Variants in TDRD15 observed in about 807,000 individuals in gnomAD.
The protein encoded by TDRD15 is tudor domain-containing protein 15.
For synonymous variants in TDRD15, 503 were observed against 314.5 expected (o/e 1.60, Z -6.34); for missense variants, 1,416 against 904.7 (o/e 1.57, Z -7.25).
At position 21,138,780 on chromosome 2, in the gene TDRD15, G is replaced by A. The variant is rs1665863266; in HGVS notation, c.1313G>A (p.Ser438Asn). 5 of 715,200 alleles carry A rather than the reference G, an allele frequency of 7.0e-6. No individual in the cohort carries two copies. The highest frequency in any genetic ancestry group is 1.0e-5 in the Non-Finnish European group (4 of 383,954). 44.3% of individuals were successfully genotyped at this position (715,200 alleles called of 1,614,324 possible). ...ATCTCCAATATCTTGAGTGAGACAA[G>A]TGTGTCTGATGTAAACAGCTTTGCA... The part of the protein sequence containing the change: ...SKISNILSET[S>N]VSDVNSFAVE... The change falls in exon 4 of 4, where the codon AGT (serine) becomes AAT (asparagine). Residue 438 changes from serine to asparagine, a missense_variant. Physicochemically the swap from Ser to Asn is conservative, Grantham distance 46 (BLOSUM62 1). Transcript: ENST00000405799.
downstream of TDRD15, among the ~76,000 whole-genome samples, chr2:21,146,396 A>G (rs990995785): frequency 2.4e-4 from 36 of 152,220 alleles, no homozygotes; most frequent in African/African-American, 8.7e-4. Flanking sequence ...CTATTTTAAC[A>G]TCAGTGTTTA....
Position 21,142,454 on chromosome 2 carries a change from A to C in TDRD15, c.4987A>C (p.Asn1663His), listed in dbSNP as rs1441898923. The C allele has an allele frequency of 2.8e-6, 2 of 707,510 alleles. No homozygotes were observed. The highest frequency in any genetic ancestry group is 3.1e-5 in the South Asian group (2 of 65,310). 43.8% of individuals were successfully genotyped at this position (707,510 alleles called of 1,614,324 possible). A position where few individuals can be genotyped will look rare whatever the true frequency, so the allele number is the denominator to read the frequency against. ...GTGCTTATTTGCTGATTTGGAAATA[A>C]ATATTCTTTTCCTGAAATATTTAGA... is the stretch of plus-strand genomic sequence containing the variant. ...FECLFADLEI[N>H]ILFLKYLDAV... The change falls in exon 4 of 4, where the codon AAT becomes CAT. Residue 1663 changes from asparagine to histidine, a missense_variant. Physicochemically the swap from Asn to His is moderately conservative, Grantham distance 68. Transcript: ENST00000405799.
At chr2:21,125,989 T>G (rs923402231) in intron 1 of TDRD15, among the ~76,000 whole-genome samples, 2 of 151,926 alleles carry the variant, frequency 1.3e-5, no homozygotes, top group African/African-American at 2.4e-5. Context: ...TAATGAACAT[T>G]CAGGTTGTGC....
Position 21,139,541 on chromosome 2 carries a change from A to G in TDRD15, c.2074A>G (p.Ile692Val), listed in dbSNP as rs899138108. ...TTCAGAATCTAAAAACAAAGTTAAT[A>G]TTAAAAAAGTCATATCTGCCCTTCT... The part of the protein sequence containing the change: ...LNSESKNKVN[I>V]KKVISALLEG... The change falls in exon 4 of 4, where the codon ATT (isoleucine) becomes GTT (valine). Residue 692 changes from isoleucine to valine, a missense_variant. Ile to Val is a conservative substitution (Grantham distance 29). Coordinates refer to ENST00000405799, the MANE Select transcript of TDRD15 (RefSeq NM_001306137.2). 2.8e-6 allele frequency: 2 copies of G among 702,724 alleles called. No homozygotes were observed. The highest frequency in any genetic ancestry group is 3.6e-5 in the African/African-American group (2 of 56,166). 43.5% of individuals were successfully genotyped at this position (702,724 alleles called of 1,614,324 possible). A position where few individuals can be genotyped will look rare whatever the true frequency, so the allele number is the denominator to read the frequency against.
chr2:21,132,465 GT>G (rs889301816), intron 2 of TDRD15, among the ~76,000 whole-genome samples: 2 of 152,084 alleles, frequency 1.3e-5, no homozygotes, highest in African/African-American at 4.8e-5. Context: ...GGGGAAGATA[GT>G]TTAGGCCAGG....
chr2:21,130,509 T>C lies in TDRD15; in HGVS notation c.-90+2798T>C, dbSNP rs185275084. On this transcript the variant is annotated intron_variant, in intron 2 of 3. Coordinates refer to ENST00000405799, the MANE Select transcript of TDRD15 (RefSeq NM_001306137.2). ...TGGGGTTATATCCCCCAAAATTCCT[T>C]GTAAAGCTGAAAAATCTGAAGTCGA... is the stretch of plus-strand genomic sequence containing the variant. Among the ~76,000 whole-genome samples, 1,156 of 152,300 alleles carry C rather than the reference T, an allele frequency of 7.6e-3. 15 individuals are homozygous for C. Among genetic ancestry groups the C allele is most frequent in the African/African-American group, 0.026 (1,100 of 41,562 alleles).
chr2:21,139,370 G>T lies in TDRD15; in HGVS notation c.1903G>T (p.Asp635Tyr). The change falls in exon 4 of 4, where the codon GAC (aspartate) becomes TAC (tyrosine). Residue 635 changes from aspartate (D) to tyrosine (Y), a missense_variant. By Grantham distance (160) the Asp-to-Tyr change is radical. Coordinates refer to ENST00000405799, the MANE Select transcript of TDRD15 (RefSeq NM_001306137.2). ...ILLQVIAKKD[D>Y]KYTVNIQSVE... Reference sequence around the variant, plus strand: ...GCTTCAGGTTATAGCAAAAAAAGATGACAAGTACACTGTAAATATTCAAAG... The same window carrying T: ...GCTTCAGGTTATAGCAAAAAAAGATTACAAGTACACTGTAAATATTCAAAG... 1 of 705,988 alleles carries T rather than the reference G, an allele frequency of 1.4e-6. No individual in the cohort carries two copies. The highest frequency in any genetic ancestry group is 1.5e-5 in the South Asian group (1 of 64,782). 43.7% of individuals were successfully genotyped at this position (705,988 alleles called of 1,614,324 possible).
At chr2:21,128,279 C>A (rs1285739414) in intron 2 of TDRD15, among the ~76,000 whole-genome samples, 1 of 151,300 alleles carries the variant, frequency 6.6e-6, no homozygotes, top group Non-Finnish European at 1.5e-5. Flanking sequence ...TATCTATATT[C>A]CATGTTATGG....
chr2:21,142,112 A>G lies in TDRD15; in HGVS notation c.4645A>G (p.Asn1549Asp), dbSNP rs770875585. Residue 1549 changes from asparagine (N) to aspartate (D), a missense_variant, in exon 4 of 4, where the codon AAT becomes GAT. Physicochemically the swap from Asn to Asp is conservative, Grantham distance 23 (BLOSUM62 1). Transcript: ENST00000405799. Reference protein sequence around the residue: ...SGRFYVKLSKNKKILSDLIVL... With the variant: ...SGRFYVKLSKDKKILSDLIVL... ...AAGATTTTATGTGAAGTTATCCAAA[A>G]ATAAAAAAATTTTATCAGATTTAAT... 323 of 680,430 alleles carry G rather than the reference A, an allele frequency of 4.7e-4. No individual in the cohort carries two copies. Among genetic ancestry groups the G allele is most frequent in the Non-Finnish European group, 8.1e-4 (303 of 375,328 alleles). 42.1% of individuals were successfully genotyped at this position (680,430 alleles called of 1,614,324 possible).
At chr2:21,147,086 T>C (rs1018103204), downstream of TDRD15, among the ~76,000 whole-genome samples, 1 of 152,112 alleles carries the variant, frequency 6.6e-6, no homozygotes, top group Non-Finnish European at 1.5e-5. Flanking sequence ...TGGTACATAA[T>C]AAATGCTCAC....
At position 21,141,079 on chromosome 2, in the gene TDRD15, A is replaced by G. The variant is rs1167845086; in HGVS notation, c.3612A>G (p.Ile1204Met). 1.4e-6 allele frequency: 1 copy of G among 704,946 alleles called. No individual in the cohort carries two copies. Among genetic ancestry groups the G allele is most frequent in the South Asian group, 1.5e-5 (1 of 64,672 alleles). The allele number at this position is 704,946 out of a possible 1,614,324, so 43.7% of individuals were successfully genotyped here. A position where few individuals can be genotyped will look rare whatever the true frequency, so the allele number is the denominator to read the frequency against. The change falls in exon 4 of 4, where the codon ATA becomes ATG. Residue 1204 changes from isoleucine (I) to methionine (M), a missense_variant. Coordinates refer to ENST00000405799, the MANE Select transcript of TDRD15 (RefSeq NM_001306137.2). The stretch of plus-strand genomic sequence containing the variant: ...ACCAATTGATGCATCCCAAAAATAT[A>G]CATGCCAGGTTTTTGAAGCCATCAG... ...KIDQLMHPKN[I>M]HARFLKPSVC... is the part of the protein sequence containing the mutation.
chr2:21,125,767 A>C (rs1355688922), intron 1 of TDRD15, among the ~76,000 whole-genome samples: 1 of 152,040 alleles, frequency 6.6e-6, no homozygotes, highest in Non-Finnish European at 1.5e-5. Context: ...TATTTGTTTG[A>C]TACATACCCG....
intron 2 of TDRD15, among the ~76,000 whole-genome samples, chr2:21,128,606 G>A (rs572928714): frequency 2.0e-5 from 3 of 152,112 alleles, no homozygotes; most frequent in Non-Finnish European, 2.9e-5. Flanking sequence ...ACAGGCATGA[G>A]CCACCATGCC....
Position 21,142,144 on chromosome 2 carries a change from A to C in TDRD15, c.4677A>C (p.Leu1559Phe). The change falls in exon 4 of 4, where the codon TTA (leucine) becomes TTC (phenylalanine). Residue 1559 changes from leucine (L) to phenylalanine (F), a missense_variant. By Grantham distance (22) the Leu-to-Phe change is conservative (BLOSUM62 0). Transcript: ENST00000405799. Reference sequence around the variant, plus strand: ...AAATTTTATCAGATTTAATAGTATTAATTACGAAAGAAGAAAAAAAATCCC... The same window carrying C: ...AAATTTTATCAGATTTAATAGTATTCATTACGAAAGAAGAAAAAAAATCCC... ...NKKILSDLIV[L>F]ITKEEKKSPF... 1.5e-6 allele frequency: 1 copy of C among 673,398 alleles called. No individual in the cohort carries two copies. 41.7% of individuals were successfully genotyped at this position (673,398 alleles called of 1,614,324 possible).
intron 2 of TDRD15, among the ~76,000 whole-genome samples, chr2:21,132,160 G>A (rs1665731489): frequency 6.6e-6 from 1 of 152,182 alleles, no homozygotes; most frequent in Non-Finnish European, 1.5e-5. Context: ...TGCAGCTTCA[G>A]TGTAATAAGT....
At position 21,138,789 on chromosome 2, in the gene TDRD15, A is replaced by G; in HGVS notation, c.1322A>G (p.Asp441Gly). 1.4e-6 allele frequency: 1 copy of G among 714,684 alleles called. No individual in the cohort carries two copies. The allele number at this position is 714,684 out of a possible 1,614,324, so 44.3% of individuals were successfully genotyped here. The change falls in exon 4 of 4, where the codon GAT becomes GGT. Residue 441 changes from aspartate to glycine, a missense_variant. Transcript: ENST00000405799. ...ATCTTGAGTGAGACAAGTGTGTCTG[A>G]TGTAAACAGCTTTGCAGTTGAGAGT... Reference protein sequence around the residue: ...SNILSETSVSDVNSFAVESFM... With the variant: ...SNILSETSVSGVNSFAVESFM...
At chr2:21,124,311 T>G (rs1448963520) in intron 1 of TDRD15, among the ~76,000 whole-genome samples, 1 of 152,106 alleles carries the variant, frequency 6.6e-6, no homozygotes, top group East Asian at 1.9e-4. Flanking sequence ...ACCCAGCACA[T>G]GGGGTCAATG....
intron 2 of TDRD15, among the ~76,000 whole-genome samples, chr2:21,131,459 A>G (rs1418604131): frequency 2.0e-5 from 3 of 152,186 alleles, no homozygotes; most frequent in African/African-American, 4.8e-5. Flanking sequence ...AGAAACTACT[A>G]CTCATTGAGT....
intron 2 of TDRD15, among the ~76,000 whole-genome samples, chr2:21,129,969 G>C (rs757524613): frequency 3.3e-5 from 5 of 152,142 alleles, no homozygotes; most frequent in Non-Finnish European, 7.3e-5. Flanking sequence ...ACGTGGACAG[G>C]GGGTGAGCAT....
Sources: allele counts gnomAD v4.1 joint callset (sites outside exome capture counted in the v4.1 genomes callset), GRCh38; gene constraint gnomAD v4.1.1; transcripts MANE v1.5; gene names NCBI Gene and HGNC (gene_info 2026-07-23, HGNC 2026-07-21).